The following TSHR variants were observed in gnomAD, a reference collection of about 807,000 sequenced individuals.
TSHR encodes the protein thyroid stimulating hormone receptor, also known as thyrotropin receptor.
Under a neutral mutation model 64.1 loss-of-function variants are expected in TSHR, and 51 were observed. That is an observed-to-expected ratio of 0.80 (90% CI 0.64 to 1.01). TSHR has a LOEUF of 1.01. Among genes scored for constraint, TSHR ranks in the 50% least tolerant of loss-of-function variants. TSHR has a pLI of 0.00. For missense variants in TSHR, 877 were observed against 942.8 expected (o/e 0.93, Z 0.91); for synonymous variants, 361 against 361.9 (o/e 1.00, Z 0.03).
intron 1 of TSHR, chr14:81,001,325 T>C (rs1193641762): frequency 6.9e-6 from 2 of 290,462 alleles, no homozygotes; most frequent in East Asian, 1.8e-4. Flanking sequence ...TCTCTTCAGG[T>C]TTAGGAAAAA....
intron 8 of TSHR, among the ~76,000 whole-genome samples, chr14:81,120,425 T>C (rs1337893464): frequency 1.3e-5 from 2 of 152,218 alleles, no homozygotes; most frequent in Non-Finnish European, 2.9e-5. Flanking sequence ...CTAGTTTTTG[T>C]TTTGTTTTGA....
chr14:81,114,557 C>T (rs1566822020), intron 8 of TSHR, among the ~76,000 whole-genome samples: 1 of 152,170 alleles, frequency 6.6e-6, no homozygotes, highest in Non-Finnish European at 1.5e-5. Flanking sequence ...TGATTGCTAG[C>T]ACAGCAGTCT....
intron 1 of TSHR, among the ~76,000 whole-genome samples, chr14:80,957,464 AAC>A (rs997692543): frequency 1.2e-4 from 13 of 111,210 alleles, no homozygotes; most frequent in African/African-American, 5.6e-4. Context: ...ACTCAGAAAA[AAC>A]AAAAAAAAAA....
chr14:81,099,128 A>T (rs1227384893), intron 7 of TSHR, among the ~76,000 whole-genome samples: 3 of 152,194 alleles, frequency 2.0e-5, no homozygotes, highest in Admixed American at 6.5e-5. Context: ...TAGCAGGATC[A>T]TGGGGATTTA....
chr14:80,972,145 T>C lies in TSHR; in HGVS notation c.170+16295T>C, dbSNP rs954964068. ...CCTAGTTCTTCAGTGTTTGGATTTA[T>C]GAAAATTGCCATGATTGTTATCTAT... On this transcript the variant is annotated intron_variant, in intron 1 of 9. Transcript: ENST00000298171. Among the ~76,000 whole-genome samples the C allele has an allele frequency of 2.0e-5, 3 of 152,260 alleles. No individual in the cohort carries two copies. The South Asian group carries it at 6.2e-4, about 31-fold the overall frequency.
intron 1 of TSHR, among the ~76,000 whole-genome samples, chr14:81,017,285 T>C (rs117901762): frequency 0.012 from 1,803 of 152,290 alleles, 21 homozygotes; most frequent in African/African-American, 0.016. Context: ...TTTCAACTAA[T>C]TCTGATGTTG....
At position 81,012,658 on chromosome 14, in the gene TSHR, T is replaced by C. The variant is rs11851804; in HGVS notation, c.171-49490T>C. On this transcript the variant is annotated intron_variant, in intron 1 of 9. Coordinates refer to ENST00000298171, the MANE Select transcript of TSHR (RefSeq NM_000369.5). ...CTAACTGGTGTGAGATGGTATCTCA[T>C]TGTGGTTTTGATTTGCATTTCTCTG... 4 of 152,160 alleles carry C rather than the reference T, an allele frequency of 2.6e-5. No homozygotes were observed. In the East Asian group the frequency reaches 7.7e-4, roughly 29 times the overall value. 9.4% of individuals were successfully genotyped at this position (152,160 alleles called of 1,614,324 possible).
intron 1 of TSHR, among the ~76,000 whole-genome samples, chr14:81,004,979 A>G (rs1229448069): frequency 1.3e-5 from 2 of 152,172 alleles, no homozygotes; most frequent in Non-Finnish European, 1.5e-5. Context: ...TCCCCACCTT[A>G]AGGGTGAGGG....
chr14:81,080,661 C>T (rs1307268812), intron 3 of TSHR, among the ~76,000 whole-genome samples: 1 of 151,982 alleles, frequency 6.6e-6, no homozygotes, highest in Non-Finnish European at 1.5e-5. Context: ...CCTCCAGTTA[C>T]ATATGGAATG....
Position 81,130,709 on chromosome 14 carries a change from G to GACTGCCGTCACCATCT in TSHR, c.693-8970_693-8969insACTGCCGTCACCATCT, listed in dbSNP as rs1555385153. Among the ~76,000 whole-genome samples the GACTGCCGTCACCATCT allele has an allele frequency of 3.7e-4, 52 of 140,078 alleles. 1 individual carries two copies. Among genetic ancestry groups the GACTGCCGTCACCATCT allele is most frequent in the South Asian group, 9.4e-4 (4 of 4,248 alleles). The allele number at this position is 140,078 out of a possible 152,430, so 91.9% of individuals were successfully genotyped here. A position where few individuals can be genotyped will look rare whatever the true frequency, so the allele number is the denominator to read the frequency against. On this transcript the variant is annotated intron_variant, in intron 8 of 9. Coordinates refer to ENST00000298171, the MANE Select transcript of TSHR (RefSeq NM_000369.5). The stretch of plus-strand genomic sequence containing the variant: ...ATTCCACGCTTATAAAACACTGCTT[G>GACTGCCGTCACCATCT]GGCCGGGCGCGGTGGCTCACGCCTG...
chr14:80,970,015 G>A (rs1164937620), intron 1 of TSHR, among the ~76,000 whole-genome samples: 2 of 152,182 alleles, frequency 1.3e-5, no homozygotes, highest in Non-Finnish European at 2.9e-5. Context: ...CAGATGAACT[G>A]ACTGTGAAGA....
chr14:80,960,811 GC>G (rs1276690735), intron 1 of TSHR, among the ~76,000 whole-genome samples: 1 of 152,210 alleles, frequency 6.6e-6, no homozygotes, highest in African/African-American at 2.4e-5. Context: ...ATAGGCCAAG[GC>G]CTACTGTGGG....
chr14:81,116,105 G>A (rs982592841), intron 8 of TSHR, among the ~76,000 whole-genome samples: 78 of 151,874 alleles, frequency 5.1e-4, no homozygotes, highest in African/African-American at 1.7e-3. Flanking sequence ...ATCGAGACTA[G>A]GAAGAAACTG....
At chr14:81,122,174 G>A (rs1194251251) in intron 8 of TSHR, among the ~76,000 whole-genome samples, 2 of 150,022 alleles carry the variant, frequency 1.3e-5, no homozygotes, top group African/African-American at 4.9e-5. Context: ...CTCCCAAGTA[G>A]CTGGGATTAC....
chr14:81,070,179 A>T (rs1483287943), intron 3 of TSHR, among the ~76,000 whole-genome samples: 1 of 152,098 alleles, frequency 6.6e-6, no homozygotes, highest in Non-Finnish European at 1.5e-5. Flanking sequence ...AGAATGAGAA[A>T]AGCAATATTT....
intron 8 of TSHR, among the ~76,000 whole-genome samples, chr14:81,112,340 T>C (rs541519435): frequency 4.6e-5 from 7 of 152,354 alleles, no homozygotes; most frequent in African/African-American, 1.7e-4. Context: ...TGTTGTAACC[T>C]CTCTGATCAC....
intron 3 of TSHR, among the ~76,000 whole-genome samples, chr14:81,076,587 G>T (rs1382396140): frequency 2.6e-5 from 4 of 151,986 alleles, no homozygotes; most frequent in Non-Finnish European, 2.9e-5. Context: ...CCTTCATCCT[G>T]ATGCAAATCC....
chr14:80,978,094 A>AACACAC lies in TSHR; in HGVS notation c.170+22276_170+22281dup, dbSNP rs60697218. Among the ~76,000 whole-genome samples, 698 of 146,482 alleles carry AACACAC rather than the reference A, an allele frequency of 4.8e-3. 4 individuals carry two copies. Among genetic ancestry groups the AACACAC allele is most frequent in the East Asian group, 0.019 (96 of 4,948 alleles). On this transcript the variant is annotated intron_variant, in intron 1 of 9. Coordinates refer to ENST00000298171, the MANE Select transcript of TSHR (RefSeq NM_000369.5). Reference sequence around the variant, plus strand: ...GCCTCCTCCTCAACAACATCCCTCCAACACACACACACACACACACACACA... The same window carrying AACACAC: ...GCCTCCTCCTCAACAACATCCCTCCAACACACACACACACACACACACACACACACA...
intron 3 of TSHR, among the ~76,000 whole-genome samples, chr14:81,073,029 T>A (rs868799459): frequency 0.041 from 3,555 of 85,790 alleles, 283 homozygotes; most frequent in African/African-American, 0.053. Context: ...TAAATATATA[T>A]ATATATATAT....
Sources: allele counts gnomAD v4.1 joint callset (sites outside exome capture counted in the v4.1 genomes callset), GRCh38; gene constraint gnomAD v4.1.1; transcripts MANE v1.5; gene names NCBI Gene and HGNC (gene_info 2026-07-23, HGNC 2026-07-21).